Variants in TRAPPC8 observed in about 807,000 individuals in gnomAD.
The protein encoded by TRAPPC8 is trafficking protein particle complex subunit 8, also known as general sporulation gene 1 homolog.
A neutral mutation model predicts 174.3 loss-of-function variants in TRAPPC8; 54 were observed. The ratio of observed to expected loss-of-function variants is 0.31; its 90% CI spans 0.25 to 0.39. The LOEUF is 0.39. Ranked by LOEUF, TRAPPC8 falls within the 10% of genes least tolerant of loss-of-function variation. The pLI, the probability that TRAPPC8 is intolerant of heterozygous loss-of-function variation, is 1.00. For synonymous variants in TRAPPC8, 630 were observed against 579.9 expected (o/e 1.09, Z -1.24); for missense variants, 1,531 against 1,699.1 (o/e 0.90, Z 1.74).
chr18:31,854,454 C>G lies in TRAPPC8; in HGVS notation c.3337-509G>C, dbSNP rs188423279. The stretch of plus-strand genomic sequence containing the variant: ...GCTAATCTGAAATTATTAAAATATT[C>G]TCACTCTTACTATAAAAATATTGAT... On this transcript the variant is annotated intron_variant, in intron 21 of 28. Coordinates refer to ENST00000283351, the MANE Select transcript of TRAPPC8 (RefSeq NM_014939.5). 3.9e-5 allele frequency among the ~76,000 whole-genome samples: 6 copies of G among 152,036 alleles called. No homozygotes were observed. In the East Asian group the frequency reaches 1.2e-3, roughly 29 times the overall value.
At chr18:31,852,902 T>C (rs999335666) in intron 22 of TRAPPC8, 10 of 431,014 alleles carry the variant, frequency 2.3e-5, no homozygotes, top group East Asian at 4.4e-5. Context: ...TATTCATATA[T>C]GCGACATTTC....
At chr18:31,918,225 G>A (rs984851189) in intron 2 of TRAPPC8, among the ~76,000 whole-genome samples, 2 of 151,162 alleles carry the variant, frequency 1.3e-5, no homozygotes, top group South Asian at 2.1e-4. Context: ...ATATATTCAT[G>A]AGTATATATA....
chr18:31,930,411 C>T (rs1411303310), intron 2 of TRAPPC8, among the ~76,000 whole-genome samples: 3 of 152,084 alleles, frequency 2.0e-5, no homozygotes, highest in Non-Finnish European at 2.9e-5. Flanking sequence ...TAAGCCACCA[C>T]GCCTGGCTGC....
At chr18:31,922,466 C>A (rs2037431776) in intron 2 of TRAPPC8, among the ~76,000 whole-genome samples, 1 of 151,938 alleles carries the variant, frequency 6.6e-6, no homozygotes, top group Non-Finnish European at 1.5e-5. Flanking sequence ...GGACATGAGG[C>A]TGTAGCGCTG....
At chr18:31,881,769 C>A (rs1266794478) in intron 12 of TRAPPC8, among the ~76,000 whole-genome samples, 10 of 151,968 alleles carry the variant, frequency 6.6e-5, no homozygotes, top group South Asian at 4.1e-4. Context: ...TATCCAGAAT[C>A]TAAAAGTAAC....
intron 26 of TRAPPC8, 127 bp from the exon 27 acceptor site, chr18:31,839,584 C>T: frequency 1.2e-6 from 1 of 813,034 alleles, no homozygotes; most frequent in Non-Finnish European, 1.7e-6. Context: ...CAGTACTTTT[C>T]TGCTGTTAAG....
rs973964819 is a variant in TRAPPC8, at chr18:31,908,734, T to A, written c.1122+20A>T. 4 of 1,524,578 alleles carry A rather than the reference T, an allele frequency of 2.6e-6. No individual in the cohort carries two copies. The African/African-American group carries it at 4.2e-5, about 16-fold the overall frequency. 94.4% of individuals were successfully genotyped at this position (1,524,578 alleles called of 1,614,324 possible). ...TTTACTTAAATTTTTAAAATACTAA[T>A]CCAAAAAATCAAACCTTACCTGATC... On this transcript the variant is annotated intron_variant, in intron 7 of 28. Coordinates refer to ENST00000283351, the MANE Select transcript of TRAPPC8 (RefSeq NM_014939.5).
intron 27 of TRAPPC8, among the ~76,000 whole-genome samples, chr18:31,834,916 CTCTT>C (rs1334756014): frequency 1.3e-5 from 2 of 152,130 alleles, no homozygotes; most frequent in African/African-American, 2.4e-5. Flanking sequence ...TCCATCTCTT[CTCTT>C]TGTGTTTCTA....
Position 31,898,632 on chromosome 18 carries a change from G to T in TRAPPC8, c.1491-741C>A, listed in dbSNP as rs191260045. ...TATTTTCCCCCTGGTAGTACCATTA[G>T]GATATTTCTGCTGGAGATGGCTTAC... On this transcript the variant is annotated intron_variant, in intron 10 of 28. Coordinates refer to ENST00000283351, the MANE Select transcript of TRAPPC8 (RefSeq NM_014939.5). Among the ~76,000 whole-genome samples the T allele has an allele frequency of 2.6e-5, 4 of 152,304 alleles. No homozygotes were observed. The East Asian group carries it at 7.7e-4, about 29-fold the overall frequency.
At chr18:31,934,721 G>A (rs1295779028) in intron 1 of TRAPPC8, among the ~76,000 whole-genome samples, 1 of 151,780 alleles carries the variant, frequency 6.6e-6, no homozygotes, top group African/African-American at 2.4e-5. Context: ...TACAAAATTA[G>A]CCGGGCATGG....
intron 16 of TRAPPC8, 105 bp from the exon 17 acceptor site, chr18:31,867,581 GCA>G: frequency 2.5e-6 from 2 of 797,346 alleles, no homozygotes; most frequent in Non-Finnish European, 4.0e-6. Context: ...ATTAAAGTCT[GCA>G]TTTACTTGGT....
chr18:31,910,826 T>C (rs2036873526), intron 5 of TRAPPC8, among the ~76,000 whole-genome samples: 1 of 152,234 alleles, frequency 6.6e-6, no homozygotes. Context: ...TACTGCACAA[T>C]CTTCTTCATG....
intron 19 of TRAPPC8, 89 bp from the exon 20 acceptor site, chr18:31,858,071 TTACCAAAGG>T: frequency 1.4e-5 from 16 of 1,105,782 alleles, no homozygotes; most frequent in East Asian, 2.4e-5. Context: ...TTTTTTTTTT[TTACCAAAGG>T]TTTACAAGTG....
In TRAPPC8 at chr18:31,856,642, TCTTTA is replaced by T. The variant is rs1252695071; in HGVS notation, c.3189-840_3189-836del. Among the ~76,000 whole-genome samples, 4 of 152,236 alleles carry T rather than the reference TCTTTA, an allele frequency of 2.6e-5. No homozygotes were observed. In the East Asian group the frequency reaches 7.7e-4, roughly 29 times the overall value. Reference sequence around the variant, plus strand: ...GCTTTACATTTCAAAGGTTTCTTCCTCTTTACTTCTTTTACAAAAATTTTACACTG... The same window carrying T: ...GCTTTACATTTCAAAGGTTTCTTCCTCTTCTTTTACAAAAATTTTACACTG... On this transcript the variant is annotated intron_variant, in intron 20 of 28. Transcript: ENST00000283351.
intron 1 of TRAPPC8, among the ~76,000 whole-genome samples, chr18:31,940,321 A>C (rs2038276674): frequency 6.6e-6 from 1 of 151,638 alleles, no homozygotes; most frequent in South Asian, 2.1e-4. Flanking sequence ...CTAAAAATAC[A>C]AAAATAAGCC....
At chr18:31,900,884 C>G in intron 10 of TRAPPC8, 41 bp downstream of exon 10, 1 of 1,420,412 alleles carries the variant, frequency 7.0e-7, no homozygotes, top group East Asian at 2.4e-5. Flanking sequence ...AACAAACTGA[C>G]CTTTAACTGG....
chr18:31,881,101 T>C (rs2035429530), intron 12 of TRAPPC8, among the ~76,000 whole-genome samples: 1 of 151,934 alleles, frequency 6.6e-6, no homozygotes, highest in African/African-American at 2.4e-5. Context: ...AAACTATCTA[T>C]CAAATAAATA....
chr18:31,864,956 A>T, intron 18 of TRAPPC8, among the ~76,000 whole-genome samples, 175 bp from the exon 19 acceptor site: 1 of 150,726 alleles, frequency 6.6e-6, no homozygotes, highest in East Asian at 1.9e-4. Flanking sequence ...GTTTAACACC[A>T]ACTAAGGTAT....
chr18:31,847,385 C>A (rs2033464682), intron 25 of TRAPPC8, among the ~76,000 whole-genome samples: 1 of 152,122 alleles, frequency 6.6e-6, no homozygotes, highest in Non-Finnish European at 1.5e-5. Flanking sequence ...TCTTCAATTG[C>A]TTCTGTGTTG....
Sources: gnomAD v4.1 joint callset for allele counts (sites outside exome capture counted in the v4.1 genomes callset) on GRCh38, gnomAD v4.1.1 for gene constraint, MANE v1.5 for transcripts, NCBI Gene and HGNC (gene_info 2026-07-23, HGNC 2026-07-21) for gene names.